The following KNDC1 variants were observed in gnomAD, a reference collection of about 807,000 sequenced individuals.
KNDC1 encodes the protein kinase non-catalytic C-lobe domain containing 1, also known as kinase non-catalytic C-lobe domain-containing protein 1.
Under a neutral mutation model 172.8 loss-of-function variants are expected in KNDC1, and 106 were observed. The ratio of observed to expected loss-of-function variants is 0.61; its 90% CI spans 0.52 to 0.72. The LOEUF is 0.72. Among genes scored for constraint, KNDC1 ranks in the 30% least tolerant of loss-of-function variants. The pLI is 0.00. For missense variants in KNDC1, 2,325 were observed against 2,394.5 expected, an observed-to-expected ratio of 0.97 and a Z score of 0.61; for synonymous variants, 1,083 against 1,062.2, an observed-to-expected ratio of 1.02 and a Z score of -0.38.
intron 17 of KNDC1, 84 bp downstream of exon 17, chr10:133,201,982 G>A (rs1005915426): frequency 7.1e-7 from 1 of 1,413,940 alleles, no homozygotes; most frequent in Non-Finnish European, 9.6e-7. Flanking sequence ...GTGACAGATG[G>A]CACCGTGTGC....
chr10:133,197,660 TCACCTCCTCCC>T lies in KNDC1; in HGVS notation c.1813-12_1813-2del. 1 of 1,605,186 alleles carries T rather than the reference TCACCTCCTCCC, an allele frequency of 6.2e-7. No individual in the cohort carries two copies. Among genetic ancestry groups the T allele is most frequent in the Non-Finnish European group, 8.5e-7 (1 of 1,173,420 alleles). ...TCCGTGGTCACCTGGCCCAGGGCTG[TCACCTCCTCCC>T]CAGGTGTACCAGGAGGAAGAGACCA... On this transcript the variant is annotated splice_polypyrimidine_tract_variant and splice_region_variant and intron_variant, in intron 11 of 29. Transcript: ENST00000304613.
At chr10:133,175,422 T>C (rs1282161909) in intron 3 of KNDC1, among the ~76,000 whole-genome samples, 3 of 57,182 alleles carry the variant, frequency 5.2e-5, no homozygotes, top group Non-Finnish European at 1.6e-4. Context: ...GGTGGATGGG[T>C]AGATGAATGG....
intron 14 of KNDC1, 38 bp from the exon 15 acceptor site, chr10:133,199,420 C>G: frequency 6.2e-7 from 1 of 1,605,636 alleles, no homozygotes; most frequent in Non-Finnish European, 8.5e-7. Context: ...AGCAGCCCTG[C>G]CACCATCTCA....
At chr10:133,211,297 TA>T in intron 21 of KNDC1, 124 bp from the exon 22 acceptor site, 1 of 356,956 alleles carries the variant, frequency 2.8e-6, no homozygotes, top group African/African-American at 3.4e-5. Flanking sequence ...CCCAGCCCCC[TA>T]AGCCCCCTGC....
rs1852920349 is a variant in KNDC1, at chr10:133,160,386, T to G, written c.-82T>G. 2 of 723,348 alleles carry G rather than the reference T, an allele frequency of 2.8e-6. No individual in the cohort carries two copies. The highest frequency in any genetic ancestry group is 3.7e-6 in the Non-Finnish European group (2 of 537,128). The allele number at this position is 723,348 out of a possible 1,614,324, so 44.8% of individuals were successfully genotyped here. A position where few individuals can be genotyped will look rare whatever the true frequency, so the allele number is the denominator to read the frequency against. ...GGGGCGGGCGAGGGCCGGGCGCGTC[T>G]CCATGGAGCCAGGGCGCGCGTAGCC... On this transcript the variant is annotated 5_prime_UTR_variant, in exon 1 of 30. Transcript: ENST00000304613.
rs376756131 is a variant in KNDC1 at position 133,199,172 on chromosome 10, G to A, written c.2664G>A (p.Thr888=). The A allele has an allele frequency of 3.4e-5, 55 of 1,599,254 alleles. No individual in the cohort carries two copies. In the African/African-American group the frequency reaches 5.2e-4, roughly 15 times the overall value. Residue 888 remains threonine, a synonymous_variant, in exon 14 of 30, where the codon ACG becomes ACA. Transcript: ENST00000304613. ...CVDASPLPGR[T]ACPSLQEATR... ...ATGCCTCGCCACTCCCAGGGAGGAC[G>A]GCCTGCCCGTCGCTGCAGGAGGCCA...
intron 9 of KNDC1, 68 bp from the exon 10 acceptor site, chr10:133,195,595 G>A: frequency 7.1e-7 from 1 of 1,410,400 alleles, no homozygotes; most frequent in Non-Finnish European, 9.3e-7. Context: ...TGCCTGAGGT[G>A]GGCAGGTCTG....
chr10:133,181,491 G>C (rs555844372), intron 3 of KNDC1, among the ~76,000 whole-genome samples: 1 of 152,344 alleles, frequency 6.6e-6, no homozygotes, highest in Non-Finnish European at 1.5e-5. Flanking sequence ...TCCCCTACCA[G>C]AGGTGCGTGC....
At chr10:133,200,342 G>T in intron 15 of KNDC1, 33 bp from the exon 16 acceptor site, 2 of 1,523,444 alleles carry the variant, frequency 1.3e-6, no homozygotes, top group East Asian at 2.5e-5. Flanking sequence ...CCAGTGGGCG[G>T]AGGTGGGGAC....
intron 26 of KNDC1, among the ~76,000 whole-genome samples, chr10:133,215,647 C>A (rs1443252086): frequency 6.6e-6 from 1 of 152,262 alleles, no homozygotes; most frequent in East Asian, 1.9e-4. Context: ...TGGCTGTCAC[C>A]TGGCCAACCC....
intron 1 of KNDC1, among the ~76,000 whole-genome samples, chr10:133,166,381 G>A (rs929318507): frequency 1.3e-5 from 2 of 152,234 alleles, no homozygotes; most frequent in Non-Finnish European, 1.5e-5. Flanking sequence ...GGGTGCGTGC[G>A]AGTGTGGATT....
chr10:133,200,612 GC>G (rs1564892005), intron 16 of KNDC1, 152 bp downstream of exon 16: 2 of 610,656 alleles, frequency 3.3e-6, no homozygotes, highest in East Asian at 3.4e-5. Flanking sequence ...GCCAAAGGCC[GC>G]CCTCTCCTGG....
intron 29 of KNDC1, among the ~76,000 whole-genome samples, chr10:133,223,595 G>GTT (rs1845656761): frequency 1.2e-5 from 1 of 82,988 alleles, no homozygotes; most frequent in Non-Finnish European, 2.3e-5. Context: ...CCCGGCGTGT[G>GTT]TGTGTGTGTG....
chr10:133,167,579 G>A lies in KNDC1; in HGVS notation c.301G>A (p.Asp101Asn), dbSNP rs1460820170. ...CGTGTGTTTCATGGAGCAGCTCAGCGGTGAGGCGGCGGTGGCGGTGGCGGC... is the reference window on the plus strand; with the variant it reads ...CGTGTGTTTCATGGAGCAGCTCAGCAGTGAGGCGGCGGTGGCGGTGGCGGC... The part of the protein sequence containing the change: ...GNVCFMEQLS[D>N]DPEGAFVPPE... Residue 101 changes from aspartate to asparagine, a missense_variant and splice_region_variant, in exon 2 of 30, where the codon GAC becomes AAC. Coordinates refer to ENST00000304613, the MANE Select transcript of KNDC1 (RefSeq NM_152643.8). 17 of 1,582,854 alleles carry A rather than the reference G, an allele frequency of 1.1e-5. No individual in the cohort carries two copies. The highest frequency in any genetic ancestry group is 2.7e-5 in the African/African-American group (2 of 74,284).
At chr10:133,169,392 C>T (rs939855768) in intron 3 of KNDC1, among the ~76,000 whole-genome samples, 8 of 152,290 alleles carry the variant, frequency 5.3e-5, no homozygotes, top group South Asian at 2.1e-4. Context: ...CCCAAGAGGT[C>T]GAGGCTGCAG....
intron 9 of KNDC1, among the ~76,000 whole-genome samples, chr10:133,190,937 G>A (rs1052756781): frequency 2.2e-4 from 34 of 152,230 alleles, no homozygotes; most frequent in Admixed American, 2.2e-3. Flanking sequence ...TTCAGGGTTA[G>A]TGCTTTCCCC....
At chr10:133,202,498 C>T (rs1341051073) in intron 17 of KNDC1, 8 of 409,744 alleles carry the variant, frequency 2.0e-5, no homozygotes, top group Middle Eastern at 3.5e-4. Context: ...CCCACAGCCC[C>T]GACCTGGGCT....
Position 133,198,129 on chromosome 10 carries a change from C to T in KNDC1, c.1907-208C>T, listed in dbSNP as rs917868325. 7.9e-5 allele frequency among the ~76,000 whole-genome samples: 12 copies of T among 152,274 alleles called. No individual in the cohort carries two copies. In the East Asian group the frequency reaches 1.5e-3, roughly 20 times the overall value. On this transcript the variant is annotated intron_variant, in intron 12 of 29. Transcript: ENST00000304613. The stretch of plus-strand genomic sequence containing the variant: ...CTGGTGGGGCCTGGTCTTGCTGGCC[C>T]GTCCCCGCCTGCTGGCCCTCCCCCA...
Position 133,201,556 on chromosome 10 carries a change from C to A in KNDC1, c.3045C>A (p.Thr1015=). The change falls in exon 17 of 30, where the codon ACC becomes ACA. Residue 1015 remains threonine, a synonymous_variant. Transcript: ENST00000304613. The part of the protein sequence containing the change: ...RTSSRAPCSP[T]SVSDVDSDAL... ...GCAGCAGGGCCCCCTGCTCACCCAC[C>A]TCGGTGTCGGATGTGGACTCGGACG... The A allele has an allele frequency of 6.2e-7, 1 of 1,612,066 alleles. No individual in the cohort carries two copies. Among genetic ancestry groups the A allele is most frequent in the African/African-American group, 1.3e-5 (1 of 75,034 alleles).
Sources: allele counts gnomAD v4.1 joint callset (sites outside exome capture counted in the v4.1 genomes callset), GRCh38; gene constraint gnomAD v4.1.1; transcripts MANE v1.5; gene names NCBI Gene and HGNC (gene_info 2026-07-23, HGNC 2026-07-21).